The following HMGCLL1 variants were observed in gnomAD, a reference collection of about 807,000 sequenced individuals.
HMGCLL1 encodes the protein 3-hydroxymethyl-3-methylglutaryl-CoA lyase, cytoplasmic.
In HMGCLL1, 36 loss-of-function variants were observed where a neutral mutation model predicts 39.1. That is an observed-to-expected ratio of 0.92 (90% CI 0.71 to 1.22). HMGCLL1 has a LOEUF of 1.22. Ranked by LOEUF, HMGCLL1 falls within the 50% of genes most tolerant of loss-of-function variation. The pLI, the probability that HMGCLL1 is intolerant of heterozygous loss-of-function variation, is 0.00. For synonymous variants in HMGCLL1, 149 were observed against 144.0 expected (o/e 1.03, Z -0.25); for missense variants, 451 against 416.5 (o/e 1.08, Z -0.72).
At chr6:55,466,738 T>G (rs1395883941) in intron 7 of HMGCLL1, among the ~76,000 whole-genome samples, 2 of 152,096 alleles carry the variant, frequency 1.3e-5, no homozygotes, top group African/African-American at 4.8e-5. Flanking sequence ...CTTGATTCAC[T>G]GAAAGAGTCT....
the HMGCLL1 span, among the ~76,000 whole-genome samples, chr6:55,655,536 G>GCAGATAGATAGA: frequency 6.8e-6 from 1 of 147,620 alleles, no homozygotes; most frequent in Admixed American, 6.8e-5. Flanking sequence ...AGTTATATTG[G>GCAGATAGATAGA]TAGATAGATA....
chr6:55,579,277 G>C (rs894746776), upstream of HMGCLL1: 5 of 586,266 alleles, frequency 8.5e-6, no homozygotes, highest in East Asian at 5.6e-5. Flanking sequence ...GCACCTGCGG[G>C]AATCGACAGA....
At chr6:55,529,423 T>A (rs966626257) in intron 3 of HMGCLL1, among the ~76,000 whole-genome samples, 20 of 151,958 alleles carry the variant, frequency 1.3e-4, no homozygotes, top group Non-Finnish European at 2.6e-4. Context: ...GAGTGGAGGG[T>A]AGGCCTGGGT....
At chr6:55,466,774 T>C (rs190157117) in intron 7 of HMGCLL1, among the ~76,000 whole-genome samples, 4 of 152,238 alleles carry the variant, frequency 2.6e-5, no homozygotes, top group Non-Finnish European at 5.9e-5. Flanking sequence ...TTGTCCTATG[T>C]TCCTTAAATC....
intron 7 of HMGCLL1, among the ~76,000 whole-genome samples, chr6:55,483,830 G>A (rs1316288798): frequency 2.6e-5 from 4 of 152,114 alleles, no homozygotes; most frequent in Non-Finnish European, 5.9e-5. Context: ...TTGTCATGAG[G>A]ACAACATAGA....
intron 3 of HMGCLL1, among the ~76,000 whole-genome samples, chr6:55,535,304 T>C (rs1768949918): frequency 6.6e-6 from 1 of 152,218 alleles, no homozygotes; most frequent in Admixed American, 6.5e-5. Context: ...AACACTAGTG[T>C]GCATACCTGC....
Position 55,531,793 on chromosome 6 carries a change from G to C in HMGCLL1, c.297+9936C>G, listed in dbSNP as rs115071369. 2.6e-3 allele frequency among the ~76,000 whole-genome samples: 392 copies of C among 152,224 alleles called. 1 individual carries two copies. Among genetic ancestry groups the C allele is most frequent in the African/African-American group, 9.1e-3 (378 of 41,544 alleles). On this transcript the variant is annotated intron_variant, in intron 3 of 8. Coordinates refer to ENST00000274901, the MANE Select transcript of HMGCLL1 (RefSeq NM_001042406.2). ...AGATTTTCATAGGAGTGCATGCAAG[G>C]GATCTAGGTTGTTCACTCCTCATGA... is the stretch of plus-strand genomic sequence containing the variant.
chr6:55,645,359 C>G, the HMGCLL1 span, among the ~76,000 whole-genome samples: 1 of 151,892 alleles, frequency 6.6e-6, no homozygotes, highest in Non-Finnish European at 1.5e-5. Context: ...GATAATTTGA[C>G]TTCTTCCTTT....
the HMGCLL1 span, among the ~76,000 whole-genome samples, chr6:55,660,845 A>G: frequency 1.3e-5 from 2 of 151,928 alleles, no homozygotes; most frequent in South Asian, 4.1e-4. Flanking sequence ...CCAATGGATT[A>G]TAAGCATTCA....
intron 7 of HMGCLL1, among the ~76,000 whole-genome samples, chr6:55,450,623 G>C (rs1183369140): frequency 6.6e-6 from 1 of 152,184 alleles, no homozygotes; most frequent in South Asian, 2.1e-4. Flanking sequence ...GAAGAGAGTT[G>C]AGGAAGAAGT....
chr6:55,457,434 C>T (rs960409352), intron 7 of HMGCLL1, among the ~76,000 whole-genome samples: 1 of 152,122 alleles, frequency 6.6e-6, no homozygotes, highest in African/African-American at 2.4e-5. Flanking sequence ...TCCCTCCCCC[C>T]ACATTTATTC....
At chr6:55,610,598 T>C in the HMGCLL1 span, among the ~76,000 whole-genome samples, 1 of 152,132 alleles carries the variant, frequency 6.6e-6, no homozygotes, top group East Asian at 1.9e-4. Context: ...GGAACCAAGA[T>C]AGAAAACACA....
rs371294650 is a variant in HMGCLL1 at position 55,435,783 on chromosome 6, A to G, written c.922-20T>C. ...CACACCCTGGTGACGAAATGAAGGA[A>G]TATCAGGAAGGCAGAGGGATTAGAG... is the stretch of plus-strand genomic sequence containing the variant. On this transcript the variant is annotated intron_variant, in intron 8 of 8. Transcript: ENST00000274901. The G allele has an allele frequency of 9.2e-4, 1,261 of 1,364,500 alleles. 7 individuals carry two copies. Among genetic ancestry groups the G allele is most frequent in the Non-Finnish European group, 9.9e-4 (970 of 976,658 alleles). 84.5% of individuals were successfully genotyped at this position (1,364,500 alleles called of 1,614,324 possible).
chr6:55,569,555 G>C (rs1418767937), intron 1 of HMGCLL1, among the ~76,000 whole-genome samples: 3 of 152,004 alleles, frequency 2.0e-5, no homozygotes, highest in Non-Finnish European at 4.4e-5. Flanking sequence ...TTGATCATAG[G>C]CACATTTTTT....
In HMGCLL1 at chr6:55,579,164, A is replaced by T; in HGVS notation, c.-109T>A. On this transcript the variant is annotated 5_prime_UTR_variant, in exon 1 of 9. Transcript: ENST00000274901. ...GCTCGGGAGCGCGCCCCTCCGGTGC[A>T]CTGGCTGTGAGGACCAGAGCTGTTC... The T allele has an allele frequency of 1.2e-6, 1 of 812,536 alleles. No homozygotes were observed. The highest frequency in any genetic ancestry group is 2.0e-6 in the Non-Finnish European group (1 of 491,734). The allele number at this position is 812,536 out of a possible 1,614,324, so 50.3% of individuals were successfully genotyped here. A position where few individuals can be genotyped will look rare whatever the true frequency, so the allele number is the denominator to read the frequency against.
intron 4 of HMGCLL1, among the ~76,000 whole-genome samples, chr6:55,514,458 A>C (rs1017212632): frequency 6.6e-6 from 1 of 151,390 alleles, no homozygotes; most frequent in African/African-American, 2.4e-5. Context: ...CTATTTAATT[A>C]TGCCTTTTAA....
At chr6:55,647,745 C>CTTTTTTTTTTTTTTTTT in the HMGCLL1 span, among the ~76,000 whole-genome samples, 30 of 115,848 alleles carry the variant, frequency 2.6e-4, no homozygotes, top group African/African-American at 3.8e-4. Context: ...TTTTTTTTTC[C>CTTTTTTTTTTTTTTTTT]TTTTTTTTTT....
chr6:55,601,378 T>G, the HMGCLL1 span, among the ~76,000 whole-genome samples: 1 of 152,152 alleles, frequency 6.6e-6, no homozygotes, highest in Non-Finnish European at 1.5e-5. Context: ...ACGATTCACA[T>G]TATTCTGCAG....
At chr6:55,555,827 T>A (rs1770627873) in intron 1 of HMGCLL1, among the ~76,000 whole-genome samples, 2 of 152,188 alleles carry the variant, frequency 1.3e-5, no homozygotes, top group South Asian at 2.1e-4. Context: ...GTGAGGAAAT[T>A]TCGACAAAAG....
Sources: allele counts gnomAD v4.1 joint callset (sites outside exome capture counted in the v4.1 genomes callset), GRCh38; gene constraint gnomAD v4.1.1; transcripts MANE v1.5; gene names NCBI Gene and HGNC (gene_info 2026-07-23, HGNC 2026-07-21).